MAML2: variants seen among roughly 807,000 people sequenced by gnomAD.
The protein encoded by MAML2 is mastermind like transcriptional coactivator 2.
In MAML2, 22 loss-of-function variants were observed where a neutral mutation model predicts 96.1. That is an observed-to-expected ratio of 0.23 (90% CI 0.16 to 0.33). The LOEUF (loss-of-function observed/expected upper bound fraction) is 0.33. Among genes scored for constraint, MAML2 ranks in the 10% least tolerant of loss-of-function variants. The probability of loss-of-function intolerance (pLI) is 1.00; values close to 1 mark genes in which losing one functional copy is unlikely to be tolerated. For synonymous variants in MAML2, 561 were observed against 521.3 expected (o/e 1.08, Z -1.04); for missense variants, 1,367 against 1,392.4 (o/e 0.98, Z 0.29).
intron 1 of MAML2, among the ~76,000 whole-genome samples, chr11:96,183,402 C>CG (rs928286549): frequency 1.9e-5 from 1 of 51,430 alleles, no homozygotes; most frequent in African/African-American, 8.7e-5. Flanking sequence ...CTCCCCCCCC[C>CG]CCCTTTCTTT....
intron 1 of MAML2, among the ~76,000 whole-genome samples, chr11:96,104,705 C>T (rs1859993894): frequency 6.6e-6 from 1 of 151,998 alleles, no homozygotes; most frequent in African/African-American, 2.4e-5. Context: ...CATTCTCAGC[C>T]GTGCACAGCA....
intron 1 of MAML2, among the ~76,000 whole-genome samples, chr11:96,254,917 G>A (rs1448502565): frequency 1.3e-5 from 2 of 152,134 alleles, no homozygotes; most frequent in Non-Finnish European, 1.5e-5. Context: ...CCAGGCTCAG[G>A]TGATTCTCTC....
chr11:96,263,724 C>CA (rs1420113487), intron 1 of MAML2, among the ~76,000 whole-genome samples: 1 of 152,200 alleles, frequency 6.6e-6, no homozygotes, highest in Non-Finnish European at 1.5e-5. Context: ...TACTTGGGCT[C>CA]AGCAGGTATG....
chr11:96,057,464 CTCAGAGTG>C (rs899787247), intron 2 of MAML2, among the ~76,000 whole-genome samples: 5 of 152,166 alleles, frequency 3.3e-5, no homozygotes, highest in African/African-American at 1.2e-4. Flanking sequence ...AACAAACAAC[CTCAGAGTG>C]TCGAGTCCTA....
At chr11:96,300,660 A>G (rs1863373594) in intron 1 of MAML2, among the ~76,000 whole-genome samples, 1 of 152,172 alleles carries the variant, frequency 6.6e-6, no homozygotes, top group African/African-American at 2.4e-5. Context: ...AGTGTGCACA[A>G]TGGAAAGCAC....
At chr11:96,166,167 T>TCTCTCTCC (rs1861188332) in intron 1 of MAML2, among the ~76,000 whole-genome samples, 1 of 111,542 alleles carries the variant, frequency 9.0e-6, no homozygotes. Context: ...TCTCTCTCTC[T>TCTCTCTCC]CTCTCTCTCT....
intron 1 of MAML2, among the ~76,000 whole-genome samples, chr11:96,184,528 CAG>C (rs1314647692): frequency 6.6e-6 from 1 of 151,128 alleles, no homozygotes; most frequent in African/African-American, 2.4e-5. Context: ...CTTTATAATT[CAG>C]AGCCTATGGA....
chr11:96,226,138 C>G (rs1010548444), intron 1 of MAML2, among the ~76,000 whole-genome samples: 1 of 152,168 alleles, frequency 6.6e-6, no homozygotes, highest in Non-Finnish European at 1.5e-5. Flanking sequence ...TGTTCCCCAC[C>G]ACAGATAGCA....
In MAML2 at chr11:96,262,628, T is replaced by C. The variant is rs564239020; in HGVS notation, c.513+78755A>G. On this transcript the variant is annotated intron_variant, in intron 1 of 4. Coordinates refer to ENST00000524717, the MANE Select transcript of MAML2 (RefSeq NM_032427.4). The stretch of plus-strand genomic sequence containing the variant: ...GACTACAGGCACCCGCCACCACGCC[T>C]GGCTAATGTTTTTTGTATTTGTAGT... Among the ~76,000 whole-genome samples, 8 of 152,212 alleles carry C rather than the reference T, an allele frequency of 5.3e-5. No homozygotes were observed. The East Asian group carries it at 1.4e-3, about 26-fold the overall frequency.
chr11:96,174,631 G>A (rs1327798277), intron 1 of MAML2, among the ~76,000 whole-genome samples: 2 of 152,202 alleles, frequency 1.3e-5, no homozygotes, highest in Non-Finnish European at 2.9e-5. Context: ...TGATCCACCC[G>A]CCTTGGCCTC....
chr11:96,103,089 C>T (rs572492958), intron 1 of MAML2, among the ~76,000 whole-genome samples: 25 of 152,196 alleles, frequency 1.6e-4, no homozygotes, highest in African/African-American at 5.8e-4. Flanking sequence ...GTCCATCCTA[C>T]TTTCCCTCAT....
chr11:96,093,365 G>C lies in MAML2; in HGVS notation c.666C>G (p.Asn222Lys), dbSNP rs777236597. 2 of 1,613,872 alleles carry C rather than the reference G, an allele frequency of 1.2e-6. No individual in the cohort carries two copies. The highest frequency in any genetic ancestry group is 1.7e-6 in the Non-Finnish European group (2 of 1,179,902). ...CTGACATAATCTGACTTTGTCCATT[G>C]TTTATTTGGAGGCCACCTTGTCCTG... ...LSAGQGGLQINNGQSQIMSGT... is the reference protein window; with the variant it reads ...LSAGQGGLQIKNGQSQIMSGT... The change falls in exon 2 of 5, where the codon AAC (asparagine) becomes AAG (lysine). Residue 222 changes from asparagine to lysine, a missense_variant. Asn to Lys is a moderately conservative substitution (Grantham distance 94, BLOSUM62 0). Transcript: ENST00000524717.
intron 1 of MAML2, among the ~76,000 whole-genome samples, chr11:96,221,430 G>A (rs1862135167): frequency 6.6e-6 from 1 of 152,144 alleles, no homozygotes; most frequent in Non-Finnish European, 1.5e-5. Context: ...TGACCCATCT[G>A]TTTTGTATCC....
intron 1 of MAML2, among the ~76,000 whole-genome samples, chr11:96,259,216 A>G (rs1345976716): frequency 1.3e-5 from 2 of 152,168 alleles, no homozygotes; most frequent in Non-Finnish European, 2.9e-5. Flanking sequence ...CCCCTTCAAG[A>G]TGTTCTACCA....
At chr11:96,227,185 C>T (rs1474335794) in intron 1 of MAML2, among the ~76,000 whole-genome samples, 1 of 152,174 alleles carries the variant, frequency 6.6e-6, no homozygotes, top group Non-Finnish European at 1.5e-5. Flanking sequence ...TCGGGAAGTT[C>T]TCCTTGACTC....
chr11:96,087,566 C>A (rs1859637862), intron 2 of MAML2, among the ~76,000 whole-genome samples: 1 of 152,212 alleles, frequency 6.6e-6, no homozygotes, highest in Non-Finnish European at 1.5e-5. Flanking sequence ...GAGTCTCTAT[C>A]CCATCTTCAC....
rs551884827 is a variant in MAML2 at position 96,232,677 on chromosome 11, T to C, written c.513+108706A>G. ...TAGTAGAGACGGGGTTTCACCGTGTTAGCCAGGACGGTCTCGATCTCCTGA... is the reference window on the plus strand; with the variant it reads ...TAGTAGAGACGGGGTTTCACCGTGTCAGCCAGGACGGTCTCGATCTCCTGA... On this transcript the variant is annotated intron_variant, in intron 1 of 4. Coordinates refer to ENST00000524717, the MANE Select transcript of MAML2 (RefSeq NM_032427.4). Among the ~76,000 whole-genome samples, 242 of 152,274 alleles carry C rather than the reference T, an allele frequency of 1.6e-3. 1 individual carries two copies. The highest frequency in any genetic ancestry group is 2.8e-3 in the Non-Finnish European group (192 of 68,032).
intron 2 of MAML2, among the ~76,000 whole-genome samples, chr11:96,007,168 AATT>A (rs772216914): frequency 4.2e-4 from 57 of 134,416 alleles, no homozygotes; most frequent in Admixed American, 4.8e-4. Context: ...ATGTCCAGTT[AATT>A]TTTTTTTTTT....
intron 2 of MAML2, among the ~76,000 whole-genome samples, chr11:96,014,649 C>T (rs1482711637): frequency 1.3e-5 from 2 of 152,234 alleles, no homozygotes; most frequent in African/African-American, 4.8e-5. Flanking sequence ...ACGTCAACTT[C>T]ACCTCACACA....
Sources: allele counts gnomAD v4.1 joint callset (sites outside exome capture counted in the v4.1 genomes callset), GRCh38; gene constraint gnomAD v4.1.1; transcripts MANE v1.5; gene names NCBI Gene and HGNC (gene_info 2026-07-23, HGNC 2026-07-21).